RASGRF1: variants seen among roughly 807,000 people sequenced by gnomAD.
The protein encoded by RASGRF1 is ras-specific guanine nucleotide-releasing factor 1.
Under a neutral mutation model 138.7 loss-of-function variants are expected in RASGRF1, and 40 were observed. The ratio of observed to expected loss-of-function variants is 0.29; its 90% CI spans 0.22 to 0.38. RASGRF1 has a LOEUF of 0.38. Among genes scored for constraint, RASGRF1 ranks in the 10% least tolerant of loss-of-function variants. The pLI is 1.00. For synonymous variants in RASGRF1, 614 were observed against 663.2 expected (o/e 0.93, Z 1.14); for missense variants, 1,108 against 1,650.4 (o/e 0.67, Z 5.69).
intron 2 of RASGRF1, among the ~76,000 whole-genome samples, chr15:79,062,221 AAG>A (rs2057616829): frequency 6.6e-6 from 1 of 152,244 alleles, no homozygotes; most frequent in Non-Finnish European, 1.5e-5. Context: ...TACATTTACA[AAG>A]CCCCTTCACA....
intron 5 of RASGRF1, among the ~76,000 whole-genome samples, chr15:79,039,912 G>A (rs2057274523): frequency 6.6e-6 from 1 of 151,976 alleles, no homozygotes; most frequent in Non-Finnish European, 1.5e-5. Context: ...TGGGACTACA[G>A]GTGTGTACCA....
chr15:78,999,776 C>G lies in RASGRF1; in HGVS notation c.2713G>C (p.Glu905Gln). ...GCTAAGGACATCCTCCGGTACTTCT[C>G]CTTGTTTGGGGTGCCCTCGTTGGCC... is the stretch of plus-strand genomic sequence containing the variant. Reference protein sequence around the residue: ...AGANEGTPNKEKYRRMSLASA... With the variant: ...AGANEGTPNKQKYRRMSLASA... The change falls in exon 17 of 27, where the codon GAG becomes CAG. Residue 905 changes from glutamate (E) to glutamine (Q), a missense_variant. By Grantham distance (29) the Glu-to-Gln change is conservative (BLOSUM62 2). Transcript: ENST00000558480. 1 of 1,614,144 alleles carries G rather than the reference C, an allele frequency of 6.2e-7. No individual in the cohort carries two copies. The highest frequency in any genetic ancestry group is 8.5e-7 in the Non-Finnish European group (1 of 1,180,010).
chr15:78,976,551 CTCAA>C (rs1378842091), intron 24 of RASGRF1, among the ~76,000 whole-genome samples: 6 of 148,772 alleles, frequency 4.0e-5, no homozygotes, highest in African/African-American at 5.2e-5. Flanking sequence ...CAAGAGAACA[CTCAA>C]TCAAACACAC....
chr15:79,030,820 C>T (rs1165339751), intron 8 of RASGRF1, among the ~76,000 whole-genome samples: 1 of 152,244 alleles, frequency 6.6e-6, no homozygotes, highest in Non-Finnish European at 1.5e-5. Context: ...CAGTCATCTG[C>T]TGCCTGGGGT....
At chr15:79,018,487 G>A (rs1284612187) in intron 11 of RASGRF1, among the ~76,000 whole-genome samples, 1 of 152,232 alleles carries the variant, frequency 6.6e-6, no homozygotes, top group African/African-American at 2.4e-5. Context: ...ACAGCTTCAA[G>A]ATTCTTTTCA....
intron 3 of RASGRF1, among the ~76,000 whole-genome samples, chr15:79,052,701 G>T (rs2057449240): frequency 1.3e-5 from 2 of 152,264 alleles, no homozygotes; most frequent in East Asian, 3.8e-4. Flanking sequence ...GGGCAAACAG[G>T]AGTCCAACAG....
At chr15:79,048,411 G>A (rs2057384139) in intron 4 of RASGRF1, among the ~76,000 whole-genome samples, 1 of 152,162 alleles carries the variant, frequency 6.6e-6, no homozygotes, top group African/African-American at 2.4e-5. Flanking sequence ...GGGTTTGAAT[G>A]TTACTCTGTA....
intron 2 of RASGRF1, among the ~76,000 whole-genome samples, chr15:79,060,207 G>T (rs1436562409): frequency 2.0e-5 from 3 of 152,180 alleles, no homozygotes; most frequent in African/African-American, 7.2e-5. Flanking sequence ...TAAGGAAGGT[G>T]CCTCGATTTC....
chr15:79,028,620 GT>G (rs2057094652), intron 8 of RASGRF1, among the ~76,000 whole-genome samples: 1 of 152,132 alleles, frequency 6.6e-6, no homozygotes, highest in Non-Finnish European at 1.5e-5. Flanking sequence ...TTTTGCCTTG[GT>G]GGGTTTCCAG....
intron 18 of RASGRF1, among the ~76,000 whole-genome samples, chr15:78,998,426 T>C (rs11633802): frequency 0.12 from 18,727 of 152,288 alleles, 1,269 homozygotes; most frequent in Admixed American, 0.15. Context: ...AAAGCCCATC[T>C]TTCAGCTGGC....
At chr15:79,035,484 T>C (rs1208326482) in intron 5 of RASGRF1, among the ~76,000 whole-genome samples, 1 of 152,156 alleles carries the variant, frequency 6.6e-6, no homozygotes, top group Non-Finnish European at 1.5e-5. Context: ...ATGCATGGGG[T>C]GGCACATCCA....
At chr15:78,994,011 G>T (rs2056336943) in intron 20 of RASGRF1, among the ~76,000 whole-genome samples, 1 of 152,234 alleles carries the variant, frequency 6.6e-6, no homozygotes, top group Admixed American at 6.5e-5. Flanking sequence ...GGGGACAAGA[G>T]AGGGCAGCTC....
At position 79,068,625 on chromosome 15, in the gene RASGRF1, C is replaced by G. The variant is rs899310809; in HGVS notation, c.277-4099G>C. On this transcript the variant is annotated intron_variant, in intron 1 of 26. Transcript: ENST00000558480. ...ATATATGTGTATATATACACACACA[C>G]ACACGCTTTTATATCTATCCATCTA... is the stretch of plus-strand genomic sequence containing the variant. Among the ~76,000 whole-genome samples the G allele has an allele frequency of 4.0e-5, 6 of 151,150 alleles. No homozygotes were observed. In the East Asian group the frequency reaches 1.2e-3, roughly 29 times the overall value.
rs1455773857 is a variant in RASGRF1, at chr15:78,978,014, T to C, written c.3494+2606A>G. ...AGGCTTGGGGAATGAGAAGGGGAGA[T>C]GAGGCCACTCTCAGGGCATCTGGCA... is the stretch of plus-strand genomic sequence containing the variant. On this transcript the variant is annotated intron_variant, in intron 24 of 26. Transcript: ENST00000558480. 3.3e-5 allele frequency among the ~76,000 whole-genome samples: 5 copies of C among 151,818 alleles called. 1 individual carries two copies. The highest frequency in any genetic ancestry group is 3.3e-4 in the Admixed American group (5 of 15,248).
At position 79,087,679 on chromosome 15, in the gene RASGRF1, G is replaced by C. The variant is rs1388068399; in HGVS notation, c.276+2544C>G. Among the ~76,000 whole-genome samples the C allele has an allele frequency of 2.0e-5, 3 of 152,348 alleles. No individual in the cohort carries two copies. In the East Asian group the frequency reaches 5.8e-4, roughly 29 times the overall value. Reference sequence around the variant, plus strand: ...GTGGCTTATGCCATGGGGCACCCAAGTCAAAGAGAAACATGGAGCAGCTGC... The same window carrying C: ...GTGGCTTATGCCATGGGGCACCCAACTCAAAGAGAAACATGGAGCAGCTGC... On this transcript the variant is annotated intron_variant, in intron 1 of 26. Coordinates refer to ENST00000558480, the MANE Select transcript of RASGRF1 (RefSeq NM_001145648.3).
intron 3 of RASGRF1, among the ~76,000 whole-genome samples, chr15:79,052,770 T>G (rs1427982704): frequency 6.6e-6 from 1 of 151,784 alleles, no homozygotes; most frequent in Non-Finnish European, 1.5e-5. Context: ...AAGGCATGGG[T>G]GTGATAGAGT....
chr15:79,061,413 A>AT, intron 2 of RASGRF1, among the ~76,000 whole-genome samples: 1 of 117,056 alleles, frequency 8.5e-6, no homozygotes, highest in African/African-American at 3.5e-5. Context: ...CTATCTTTAA[A>AT]ATATATATAT....
intron 14 of RASGRF1, 48 bp from the exon 15 acceptor site, chr15:79,004,223 G>A (rs751368917): frequency 2.5e-5 from 37 of 1,506,720 alleles, no homozygotes; most frequent in Non-Finnish European, 3.1e-5. Context: ...AGGCCTGCCT[G>A]CCCGCCTAGG....
intron 23 of RASGRF1, among the ~76,000 whole-genome samples, chr15:78,981,902 G>A (rs1037186860): frequency 1.5e-4 from 23 of 152,340 alleles, no homozygotes; most frequent in African/African-American, 5.3e-4. Flanking sequence ...GCCCACCTCC[G>A]TTCCAGAGTC....
Sources: gnomAD v4.1 joint callset for allele counts (sites outside exome capture counted in the v4.1 genomes callset) on GRCh38, gnomAD v4.1.1 for gene constraint, MANE v1.5 for transcripts, NCBI Gene and HGNC (gene_info 2026-07-23, HGNC 2026-07-21) for gene names.